The following RIMS2 variants were observed in gnomAD, a reference collection of about 807,000 sequenced individuals.
RIMS2 encodes the protein regulating synaptic membrane exocytosis 2.
In RIMS2, 59 loss-of-function variants were observed where a neutral mutation model predicts 174.4. The ratio of observed to expected loss-of-function variants is 0.34; its 90% CI spans 0.27 to 0.42. The LOEUF (loss-of-function observed/expected upper bound fraction) is 0.42, where lower values mean the gene tolerates loss of function less well. Ranked by LOEUF, RIMS2 falls within the 10% of genes least tolerant of loss-of-function variation. The probability of loss-of-function intolerance (pLI) is 1.00; values close to 1 mark genes in which losing one functional copy is unlikely to be tolerated. For missense variants in RIMS2, 1,620 were observed against 1,666.3 expected, an observed-to-expected ratio of 0.97 and a Z score of 0.48; for synonymous variants, 606 against 572.5, an observed-to-expected ratio of 1.06 and a Z score of -0.84.
intron 19 of RIMS2, among the ~76,000 whole-genome samples, chr8:104,151,326 T>C (rs2098687736): frequency 6.6e-6 from 1 of 152,164 alleles, no homozygotes; most frequent in African/African-American, 2.4e-5. Flanking sequence ...CCCAGCACTT[T>C]GGGAGGCCAA....
intron 3 of RIMS2, among the ~76,000 whole-genome samples, chr8:103,823,828 T>A (rs1412737851): frequency 6.6e-6 from 1 of 152,022 alleles, no homozygotes; most frequent in Non-Finnish European, 1.5e-5. Flanking sequence ...TTGGTATGAT[T>A]CCAGCACAGT....
intron 1 of RIMS2, among the ~76,000 whole-genome samples, chr8:103,546,512 C>A (rs898501830): frequency 2.0e-5 from 3 of 152,116 alleles, no homozygotes; most frequent in African/African-American, 7.2e-5. Flanking sequence ...GACCTGAACT[C>A]AACATTTGAC....
chr8:103,681,268 C>T (rs550683590), intron 1 of RIMS2, among the ~76,000 whole-genome samples: 7 of 152,098 alleles, frequency 4.6e-5, no homozygotes, highest in African/African-American at 1.7e-4. Context: ...ATAACAGCAT[C>T]TATTTACCTG....
At chr8:103,735,089 G>T (rs897982488) in intron 2 of RIMS2, among the ~76,000 whole-genome samples, 1 of 152,146 alleles carries the variant, frequency 6.6e-6, no homozygotes, top group Non-Finnish European at 1.5e-5. Context: ...TTTGTTAAAA[G>T]TTCAGCCTAT....
intron 1 of RIMS2, among the ~76,000 whole-genome samples, chr8:103,523,987 A>C (rs949980273): frequency 6.6e-6 from 1 of 152,172 alleles, no homozygotes; most frequent in Admixed American, 6.6e-5. Context: ...TTGCTACCCA[A>C]AAAATGAATT....
intron 1 of RIMS2, among the ~76,000 whole-genome samples, chr8:103,577,169 A>G (rs1388462445): frequency 2.0e-5 from 3 of 152,122 alleles, no homozygotes; most frequent in South Asian, 2.1e-4. Flanking sequence ...TTTTTGCAAT[A>G]TATCCATCTG....
At chr8:104,182,935 A>G (rs2098948494) in intron 19 of RIMS2, among the ~76,000 whole-genome samples, 1 of 151,788 alleles carries the variant, frequency 6.6e-6, no homozygotes, top group South Asian at 2.1e-4. Flanking sequence ...AATATAAGCC[A>G]TGGAACAGCT....
At chr8:104,153,582 T>C (rs906434353) in intron 19 of RIMS2, among the ~76,000 whole-genome samples, 7 of 152,272 alleles carry the variant, frequency 4.6e-5, no homozygotes, top group Non-Finnish European at 8.8e-5. Context: ...ATTAAGTGCA[T>C]AGATGAATTC....
intron 19 of RIMS2, among the ~76,000 whole-genome samples, chr8:104,183,560 TG>T (rs140844821): frequency 6.6e-6 from 1 of 151,300 alleles, no homozygotes; most frequent in Non-Finnish European, 1.5e-5. Flanking sequence ...CAGAATACCA[TG>T]GGGGGGAAAA....
intron 19 of RIMS2, among the ~76,000 whole-genome samples, chr8:104,037,651 A>C (rs2096542633): frequency 6.6e-6 from 1 of 152,194 alleles, no homozygotes; most frequent in Non-Finnish European, 1.5e-5. Context: ...GTTCAGTTGA[A>C]ACATAACAAT....
At chr8:104,196,001 T>A (rs1450877753) in intron 19 of RIMS2, among the ~76,000 whole-genome samples, 2 of 152,176 alleles carry the variant, frequency 1.3e-5, no homozygotes, top group Admixed American at 1.3e-4. Context: ...TGAGAAGATT[T>A]CTTTTTCTTA....
intron 19 of RIMS2, among the ~76,000 whole-genome samples, chr8:104,079,401 T>C (rs1292212171): frequency 1.3e-5 from 2 of 151,620 alleles, no homozygotes; most frequent in African/African-American, 4.8e-5. Context: ...ATCTTTGCTT[T>C]CATCAAGGCT....
chr8:104,034,863 G>C (rs2096483024), intron 19 of RIMS2, among the ~76,000 whole-genome samples: 1 of 152,068 alleles, frequency 6.6e-6, no homozygotes, highest in Non-Finnish European at 1.5e-5. Flanking sequence ...TAACTTGTGA[G>C]TTTATCTTTC....
rs563678407 is a variant in RIMS2, at chr8:103,752,648, T to C, written c.388-13579T>C. Among the ~76,000 whole-genome samples, 417 of 152,294 alleles carry C rather than the reference T, an allele frequency of 2.7e-3. 2 individuals are homozygous for C. The highest frequency in any genetic ancestry group is 9.4e-3 in the African/African-American group (389 of 41,558). ...TATTTCTCCTTGAAGAGGTCCTTCA[T>C]GTCCCTTGTAAGGTGGATTCCTAGG... On this transcript the variant is annotated intron_variant, in intron 2 of 23. Coordinates refer to ENST00000504942, the Ensembl canonical transcript of RIMS2.
Position 103,792,284 on chromosome 8 carries a change from C to T in RIMS2, c.698+25747C>T, listed in dbSNP as rs201248252. Among the ~76,000 whole-genome samples, 11 of 152,150 alleles carry T rather than the reference C, an allele frequency of 7.2e-5. No homozygotes were observed. In the South Asian group the frequency reaches 1.2e-3, roughly 17 times the overall value. On this transcript the variant is annotated intron_variant, in intron 3 of 23. Coordinates refer to ENST00000504942, the Ensembl canonical transcript of RIMS2. Reference sequence around the variant, plus strand: ...TAAGAAACTCACTCAAAACCTCTCACCTACATGGAAACTGAACAACCTGCT... The same window carrying T: ...TAAGAAACTCACTCAAAACCTCTCATCTACATGGAAACTGAACAACCTGCT...
At chr8:103,626,342 G>T (rs1180076208) in intron 1 of RIMS2, among the ~76,000 whole-genome samples, 1 of 152,058 alleles carries the variant, frequency 6.6e-6, no homozygotes, top group Non-Finnish European at 1.5e-5. Context: ...GTTTTTGTTT[G>T]ATGTGTATAA....
In RIMS2 at chr8:104,099,138, T is replaced by G. The variant is rs553292309; in HGVS notation, c.3334+84523T>G. ...ATTATCATAAATTTGAGGTAATTGG[T>G]TCTGTGACTGACCACTGGTACAACA... On this transcript the variant is annotated intron_variant, in intron 19 of 23. Coordinates refer to ENST00000504942, the Ensembl canonical transcript of RIMS2. Among the ~76,000 whole-genome samples, 7 of 152,348 alleles carry G rather than the reference T, an allele frequency of 4.6e-5. No homozygotes were observed. The East Asian group carries it at 1.2e-3, about 25-fold the overall frequency.
chr8:103,941,275 A>G (rs2082468816), intron 13 of RIMS2, among the ~76,000 whole-genome samples: 1 of 152,100 alleles, frequency 6.6e-6, no homozygotes, highest in Admixed American at 6.5e-5. Flanking sequence ...TGAGACCAGG[A>G]GTCCAAGACC....
chr8:103,531,473 C>G (rs10103311), intron 1 of RIMS2, among the ~76,000 whole-genome samples: 27,677 of 152,096 alleles, frequency 0.18, 2,764 homozygotes, highest in African/African-American at 0.26. Context: ...GGTTGCTGAA[C>G]ACCTGGAGTT....
Sources: gnomAD v4.1 joint callset for allele counts (sites outside exome capture counted in the v4.1 genomes callset) on GRCh38, gnomAD v4.1.1 for gene constraint, MANE v1.5 for transcripts, NCBI Gene and HGNC (gene_info 2026-07-23, HGNC 2026-07-21) for gene names.